IL1RAPL1: variants seen among roughly 807,000 people sequenced by gnomAD.
The protein encoded by IL1RAPL1 is interleukin 1 receptor accessory protein like 1, also known as interleukin-1 receptor accessory protein-like 1.
Under a neutral mutation model 48.4 loss-of-function variants are expected in IL1RAPL1, and 3 were observed. That is an observed-to-expected ratio of 0.06 (90% CI 0.03 to 0.16). IL1RAPL1 has a LOEUF of 0.16. Among genes scored for constraint, IL1RAPL1 ranks in the 10% least tolerant of loss-of-function variants. IL1RAPL1 has a pLI of 1.00. For synonymous variants in IL1RAPL1, 185 were observed against 187.7 expected (o/e 0.99, Z 0.12); for missense variants, 349 against 530.6 (o/e 0.66, Z 3.36).
At chrX:29,243,764 C>A (rs1931463001) in intron 2 of IL1RAPL1, among the ~76,000 whole-genome samples, 1 of 111,805 alleles carries the variant, frequency 8.9e-6, no homozygotes, top group South Asian at 3.7e-4. Context: ...GATCTGGAGC[C>A]TTCCTTAATT....
intron 1 of IL1RAPL1, among the ~76,000 whole-genome samples, chrX:28,755,227 C>T (rs1326404705): frequency 1.8e-5 from 2 of 111,280 alleles, no homozygotes; most frequent in African/African-American, 6.5e-5. Context: ...AACTCCTGAC[C>T]TCAGGTAATC....
At chrX:29,358,514 G>A (rs1332634482) in intron 3 of IL1RAPL1, among the ~76,000 whole-genome samples, 3 of 108,036 alleles carry the variant, frequency 2.8e-5, no homozygotes, top group Admixed American at 2.0e-4. Context: ...TTACCAAAAA[G>A]CATGAACATA....
chrX:28,914,177 C>T (rs1923429173), intron 2 of IL1RAPL1, among the ~76,000 whole-genome samples: 1 of 110,694 alleles, frequency 9.0e-6, no homozygotes, highest in Non-Finnish European at 1.9e-5. Context: ...AATACCTAGA[C>T]ATTGTGCTGG....
intron 3 of IL1RAPL1, among the ~76,000 whole-genome samples, chrX:29,372,893 G>A (rs1168189074): frequency 9.6e-6 from 1 of 103,671 alleles, no homozygotes; most frequent in Non-Finnish European, 1.9e-5. Flanking sequence ...GCTTAGGATT[G>A]CTTTAGCTAT....
intron 6 of IL1RAPL1, among the ~76,000 whole-genome samples, chrX:29,901,766 G>T (rs918986421): frequency 8.9e-6 from 1 of 112,002 alleles, no homozygotes; most frequent in Non-Finnish European, 1.9e-5. Context: ...CTGGAAAGAT[G>T]AGAAAGCACT....
At chrX:29,504,530 G>A (rs1181030539) in intron 5 of IL1RAPL1, among the ~76,000 whole-genome samples, 3 of 111,785 alleles carry the variant, frequency 2.7e-5, no homozygotes, top group Non-Finnish European at 1.9e-5. Context: ...TGGGTAAATA[G>A]GTATTTATAA....
At chrX:29,217,153 C>T (rs968979789) in intron 2 of IL1RAPL1, among the ~76,000 whole-genome samples, 11 of 112,079 alleles carry the variant, frequency 9.8e-5, no homozygotes, top group African/African-American at 3.6e-4. Flanking sequence ...GGTTGTTTAT[C>T]GCCCATGATG....
At chrX:29,560,976 C>A in intron 5 of IL1RAPL1, among the ~76,000 whole-genome samples, 1 of 111,835 alleles carries the variant, frequency 8.9e-6, no homozygotes, top group Non-Finnish European at 1.9e-5. Flanking sequence ...AACAAGGAGT[C>A]ACCTCCTCCT....
intron 2 of IL1RAPL1, among the ~76,000 whole-genome samples, chrX:29,034,835 T>C (rs922981257): frequency 9.1e-6 from 1 of 109,562 alleles, no homozygotes; most frequent in Non-Finnish European, 1.9e-5. Context: ...AATAAATCCA[T>C]GCAAAGTATT....
At chrX:29,467,140 T>C (rs748352618) in intron 5 of IL1RAPL1, among the ~76,000 whole-genome samples, 2 of 111,978 alleles carry the variant, frequency 1.8e-5, no homozygotes, top group South Asian at 7.4e-4. Context: ...TAATTTATAG[T>C]TTATTTGTCC....
At chrX:29,070,991 A>G (rs1251203131) in intron 2 of IL1RAPL1, among the ~76,000 whole-genome samples, 1 of 111,876 alleles carries the variant, frequency 8.9e-6, no homozygotes, top group East Asian at 2.8e-4. Flanking sequence ...AATCAGTATC[A>G]GTACATAAAA....
intron 5 of IL1RAPL1, among the ~76,000 whole-genome samples, chrX:29,490,865 T>TATATACGTATATATATA (rs778859346): frequency 9.3e-6 from 1 of 107,585 alleles, no homozygotes; most frequent in Non-Finnish European, 1.9e-5. Flanking sequence ...TATATATATA[T>TATATACGTATATATATA]TCTGAGTGTG....
chrX:29,486,779 T>C (rs775496950), intron 5 of IL1RAPL1, among the ~76,000 whole-genome samples: 4 of 110,773 alleles, frequency 3.6e-5, no homozygotes, highest in Non-Finnish European at 3.8e-5. Context: ...AAAGTGCTAA[T>C]GAGATACACT....
At chrX:29,375,033 A>G in intron 3 of IL1RAPL1, among the ~76,000 whole-genome samples, 1 of 109,126 alleles carries the variant, frequency 9.2e-6, no homozygotes, top group Middle Eastern at 4.6e-3. Flanking sequence ...CATTTGTCTT[A>G]GCTCATATCA....
At chrX:28,687,992 T>C (rs779315169) in intron 1 of IL1RAPL1, among the ~76,000 whole-genome samples, 65 of 104,996 alleles carry the variant, frequency 6.2e-4, no homozygotes, top group Non-Finnish European at 4.8e-4. Flanking sequence ...TAATCCTAGC[T>C]ACTCAGGAGG....
chrX:29,078,325 A>G (rs751032999), intron 2 of IL1RAPL1, among the ~76,000 whole-genome samples: 3 of 112,647 alleles, frequency 2.7e-5, no homozygotes, highest in African/African-American at 9.7e-5. Context: ...AACAAAAAAC[A>G]AAAAGCAAAG....
chrX:29,266,346 A>G (rs917358730), intron 2 of IL1RAPL1, among the ~76,000 whole-genome samples: 2 of 112,157 alleles, frequency 1.8e-5, no homozygotes, highest in Non-Finnish European at 3.8e-5. Context: ...CTAATGAAGC[A>G]TAATAGATAC....
chrX:29,924,898 G>T (rs1222917561), intron 8 of IL1RAPL1, among the ~76,000 whole-genome samples: 1 of 111,666 alleles, frequency 9.0e-6, no homozygotes, highest in Non-Finnish European at 1.9e-5. Context: ...AGACCTAAAA[G>T]TATCTTTAGT....
intron 5 of IL1RAPL1, among the ~76,000 whole-genome samples, chrX:29,455,488 T>C (rs781002996): frequency 8.9e-6 from 1 of 111,929 alleles, no homozygotes; most frequent in African/African-American, 3.2e-5. Flanking sequence ...AATTGTTAAT[T>C]ATATGAAAGT....
Sources: gnomAD v4.1 joint callset for allele counts (sites outside exome capture counted in the v4.1 genomes callset) on GRCh38, gnomAD v4.1.1 for gene constraint, MANE v1.5 for transcripts, NCBI Gene and HGNC (gene_info 2026-07-23, HGNC 2026-07-21) for gene names.